CSNK2A2IP: variants seen among roughly 807,000 people sequenced by gnomAD.
CSNK2A2IP encodes the protein casein kinase II subunit alpha'-interacting protein.
At chr3:88,347,098 A>T in the CSNK2A2IP span, among the ~76,000 whole-genome samples, 2 of 152,132 alleles carry the variant, frequency 1.3e-5, no homozygotes, top group South Asian at 4.1e-4. Context: ...CTAGAATAGA[A>T]ATGGAGCCTG....
the CSNK2A2IP span, among the ~76,000 whole-genome samples, chr3:88,401,485 C>T: frequency 6.6e-6 from 1 of 152,014 alleles, no homozygotes; most frequent in African/African-American, 2.4e-5. Flanking sequence ...AAAAACTTAC[C>T]TTCTAGGGAC....
the CSNK2A2IP span, chr3:88,466,742 A>G: frequency 1.1e-6 from 1 of 893,790 alleles, no homozygotes; most frequent in Non-Finnish European, 1.5e-6. Context: ...GGAAGGCCAA[A>G]TCCTCATCCT....
the CSNK2A2IP span, among the ~76,000 whole-genome samples, chr3:88,437,810 T>C: frequency 6.6e-6 from 1 of 152,208 alleles, no homozygotes; most frequent in African/African-American, 2.4e-5. Flanking sequence ...TATCTCTGCT[T>C]TTCCATTCCT....
chr3:88,444,759 C>T, the CSNK2A2IP span, among the ~76,000 whole-genome samples: 1 of 152,158 alleles, frequency 6.6e-6, no homozygotes, highest in Non-Finnish European at 1.5e-5. Context: ...GTGTAACCTA[C>T]CAAATTATCC....
At chr3:88,345,368 A>G in the CSNK2A2IP span, among the ~76,000 whole-genome samples, 1 of 152,004 alleles carries the variant, frequency 6.6e-6, no homozygotes, top group Non-Finnish European at 1.5e-5. Context: ...TTTGATTATT[A>G]TTAATCTAAA....
At chr3:88,464,244 C>CA in the CSNK2A2IP span, among the ~76,000 whole-genome samples, 5 of 151,546 alleles carry the variant, frequency 3.3e-5, no homozygotes, top group African/African-American at 1.2e-4. Context: ...AGCACACCAG[C>CA]ATGGCACATG....
chr3:88,431,470 G>T, the CSNK2A2IP span, among the ~76,000 whole-genome samples: 2 of 152,086 alleles, frequency 1.3e-5, no homozygotes, highest in South Asian at 2.1e-4. Flanking sequence ...GGGTTGGAAG[G>T]GGGTGAAGGA....
chr3:88,371,844 A>T, the CSNK2A2IP span, among the ~76,000 whole-genome samples: 1 of 151,726 alleles, frequency 6.6e-6, no homozygotes, highest in African/African-American at 2.4e-5. Flanking sequence ...ACTATGATAA[A>T]ATTATAAGCT....
the CSNK2A2IP span, among the ~76,000 whole-genome samples, chr3:88,421,097 T>C: frequency 6.6e-6 from 1 of 152,238 alleles, no homozygotes; most frequent in East Asian, 1.9e-4. Flanking sequence ...TAGCTTCTTG[T>C]TTTCACCTTC....
the CSNK2A2IP span, among the ~76,000 whole-genome samples, chr3:88,394,655 T>G: frequency 6.6e-6 from 1 of 152,248 alleles, no homozygotes; most frequent in Non-Finnish European, 1.5e-5. Context: ...ATTACAGGCC[T>G]GAGCCAGCAC....
chr3:88,391,674 C>A, the CSNK2A2IP span, among the ~76,000 whole-genome samples: 5 of 152,020 alleles, frequency 3.3e-5, no homozygotes, highest in Non-Finnish European at 7.4e-5. Flanking sequence ...GAACCAGAGG[C>A]AAGAAAAATA....
the CSNK2A2IP span, among the ~76,000 whole-genome samples, chr3:88,410,996 T>C: frequency 2.6e-5 from 4 of 152,108 alleles, no homozygotes; most frequent in Non-Finnish European, 5.9e-5. Flanking sequence ...TTACAAATGT[T>C]TGTGTTGTAG....
chr3:88,446,030 T>TTTTCTC, the CSNK2A2IP span, among the ~76,000 whole-genome samples: 233 of 58,158 alleles, frequency 4.0e-3, 10 homozygotes, highest in Middle Eastern at 0.016. Context: ...TCTTTGTTTC[T>TTTTCTC]TTTCTTTCTT....
At chr3:88,356,876 G>A in the CSNK2A2IP span, among the ~76,000 whole-genome samples, 1 of 152,054 alleles carries the variant, frequency 6.6e-6, no homozygotes, top group African/African-American at 2.4e-5. Context: ...TCTTATATCT[G>A]TTGGCCTTTT....
chr3:88,439,048 A>G, the CSNK2A2IP span, among the ~76,000 whole-genome samples: 262 of 152,256 alleles, frequency 1.7e-3, no homozygotes, highest in Middle Eastern at 0.01. Context: ...GGTTCCCGAA[A>G]TCATGCCTGT....
chr3:88,346,127 T>C, the CSNK2A2IP span, among the ~76,000 whole-genome samples: 1 of 152,010 alleles, frequency 6.6e-6, no homozygotes, highest in Non-Finnish European at 1.5e-5. Flanking sequence ...GCAAGGCTTC[T>C]AACTCTCTTC....
chr3:88,348,147 T>C, the CSNK2A2IP span, among the ~76,000 whole-genome samples: 4 of 151,918 alleles, frequency 2.6e-5, no homozygotes, highest in African/African-American at 4.8e-5. Flanking sequence ...GACTTCGTTT[T>C]ACAAATTGTC....
chr3:88,400,768 T>C, the CSNK2A2IP span, among the ~76,000 whole-genome samples: 1 of 152,218 alleles, frequency 6.6e-6, no homozygotes, highest in African/African-American at 2.4e-5. Context: ...GTTAGACTTC[T>C]AGCCTACAAA....
the CSNK2A2IP span, among the ~76,000 whole-genome samples, chr3:88,409,129 T>C: frequency 2.6e-5 from 4 of 152,082 alleles, no homozygotes; most frequent in Non-Finnish European, 5.9e-5. Flanking sequence ...TTTTAAAAAT[T>C]AAAGATGCAG....
Sources: allele counts gnomAD v4.1 joint callset (sites outside exome capture counted in the v4.1 genomes callset), GRCh38; gene constraint gnomAD v4.1.1; transcripts MANE v1.5; gene names NCBI Gene and HGNC (gene_info 2026-07-23, HGNC 2026-07-21).